Variants in NEBL observed in about 807,000 individuals in gnomAD.
NEBL encodes nebulette.
NEBL carries 122 observed loss-of-function variants against 140.2 expected under a neutral mutation model. The observed-to-expected ratio is 0.87, with a 90% CI of 0.75 to 1.01. NEBL has a LOEUF of 1.01. Among genes scored for constraint, NEBL ranks in the 50% least tolerant of loss-of-function variants. NEBL has a pLI of 0.00. For synonymous variants in NEBL, 436 were observed against 398.9 expected (o/e 1.09, Z -1.11); for missense variants, 1,365 against 1,231.3 (o/e 1.11, Z -1.62).
chr10:21,022,130 G>A (rs1228505890), intron 2 of NEBL, among the ~76,000 whole-genome samples: 7 of 152,084 alleles, frequency 4.6e-5, no homozygotes, highest in African/African-American at 9.7e-5. Flanking sequence ...TTCGGCTGGC[G>A]CTGAGGAGAC....
intron 3 of NEBL, among the ~76,000 whole-genome samples, chr10:21,197,117 A>T (rs1841665495): frequency 6.6e-6 from 1 of 152,202 alleles, no homozygotes; most frequent in Non-Finnish European, 1.5e-5. Context: ...CCACTTGTGA[A>T]AAAAATGGTT....
intron 2 of NEBL, among the ~76,000 whole-genome samples, chr10:21,063,855 G>A (rs900228751): frequency 2.0e-4 from 30 of 152,058 alleles, no homozygotes; most frequent in African/African-American, 6.0e-4. Context: ...GGGCGACAGA[G>A]CAAGAGTACA....
chr10:20,916,881 TG>T (rs1651696034), intron 4 of NEBL, among the ~76,000 whole-genome samples: 2 of 152,154 alleles, frequency 1.3e-5, no homozygotes, highest in Admixed American at 6.5e-5. Context: ...TGTATTGACA[TG>T]GGGAAAAAAG....
intron 2 of NEBL, among the ~76,000 whole-genome samples, chr10:21,021,822 T>G (rs1838808668): frequency 6.6e-6 from 1 of 152,148 alleles, no homozygotes; most frequent in South Asian, 2.1e-4. Flanking sequence ...TTCCTGCCTA[T>G]ATCGCTAGCA....
At chr10:21,191,654 T>C (rs530755287) in intron 3 of NEBL, among the ~76,000 whole-genome samples, 64 of 152,196 alleles carry the variant, frequency 4.2e-4, no homozygotes, top group Non-Finnish European at 8.5e-4. Context: ...GTGATTCCAT[T>C]ATGTAATTAT....
intron 9 of NEBL, among the ~76,000 whole-genome samples, chr10:20,856,549 T>G (rs1049728223): frequency 6.6e-6 from 1 of 152,086 alleles, no homozygotes; most frequent in Non-Finnish European, 1.5e-5. Flanking sequence ...GCTCAGGGAA[T>G]AGAAATATAT....
At chr10:20,925,164 T>G (rs1356525271) in intron 4 of NEBL, among the ~76,000 whole-genome samples, 1 of 152,190 alleles carries the variant, frequency 6.6e-6, no homozygotes, top group Non-Finnish European at 1.5e-5. Flanking sequence ...CTTCCAGAAA[T>G]ACTCTCTGCA....
At chr10:20,905,344 T>A (rs1423088905) in intron 4 of NEBL, among the ~76,000 whole-genome samples, 1 of 152,130 alleles carries the variant, frequency 6.6e-6, no homozygotes, top group Non-Finnish European at 1.5e-5. Flanking sequence ...TAAAAGAGGT[T>A]TAATTGACTC....
Position 20,794,686 on chromosome 10 carries a change from A to G in NEBL, c.2762-7378T>C, listed in dbSNP as rs370613582. 3.6e-4 allele frequency among the ~76,000 whole-genome samples: 55 copies of G among 152,274 alleles called. No homozygotes were observed. The East Asian group carries it at 7.1e-3, about 20-fold the overall frequency. On this transcript the variant is annotated intron_variant, in intron 26 of 27. Transcript: ENST00000377122. ...GTTAGTGGGGGAAAGAGGTAACATA[A>G]GACTCTACTTCCCCAGGAATACTGA...
chr10:20,855,578 G>A (rs1265095548), intron 9 of NEBL, among the ~76,000 whole-genome samples: 4 of 151,160 alleles, frequency 2.6e-5, no homozygotes, highest in Non-Finnish European at 4.4e-5. Flanking sequence ...AAAGAACTTC[G>A]AATGCGTGTC....
At chr10:20,986,896 T>C (rs1234173167) in intron 3 of NEBL, among the ~76,000 whole-genome samples, 1 of 152,212 alleles carries the variant, frequency 6.6e-6, no homozygotes, top group Non-Finnish European at 1.5e-5. Context: ...TTCTTCTTTT[T>C]ATTTCATTCA....
At chr10:21,158,188 T>G (rs748106886) in intron 2 of NEBL, among the ~76,000 whole-genome samples, 1 of 152,206 alleles carries the variant, frequency 6.6e-6, no homozygotes, top group Non-Finnish European at 1.5e-5. Flanking sequence ...CACTCATCCA[T>G]GTGAGGATTT....
Position 20,896,991 on chromosome 10 carries a change from T to C in NEBL, c.120A>G (p.Glu40=), listed in dbSNP as rs397517203. ...TGAGTTCCGTGCATTTTCTGGCCAATTCCATGCTTAAGTCTTCAATAACAG... is the reference window on the plus strand; with the variant it reads ...TGAGTTCCGTGCATTTTCTGGCCAACTCCATGCTTAAGTCTTCAATAACAG... ...YKPVIEDLSM[E]LARKCTELIS... The change falls in exon 2 of 28, where the codon GAA becomes GAG. Residue 40 remains glutamate, a synonymous_variant. Transcript: ENST00000377122. 1.6e-4 allele frequency: 257 copies of C among 1,613,974 alleles called. 4 individuals carry two copies. In the Admixed American group the frequency reaches 4.3e-3, roughly 27 times the overall value.
intron 26 of NEBL, among the ~76,000 whole-genome samples, chr10:20,794,223 GA>G (rs1276925247): frequency 6.6e-6 from 1 of 152,202 alleles, no homozygotes; most frequent in Admixed American, 6.5e-5. Flanking sequence ...CAGCTGAGAG[GA>G]AGGAGGAAGT....
intron 2 of NEBL, among the ~76,000 whole-genome samples, chr10:21,065,224 C>T (rs1265013560): frequency 6.6e-6 from 1 of 152,186 alleles, no homozygotes; most frequent in African/African-American, 2.4e-5. Flanking sequence ...ACAAGGAATA[C>T]AGCAGTCTTT....
chr10:21,037,272 G>C, intron 2 of NEBL, among the ~76,000 whole-genome samples: 1 of 152,110 alleles, frequency 6.6e-6, no homozygotes, highest in Admixed American at 6.6e-5. Context: ...GGGGGTGGAG[G>C]GGGTGGGGAG....
Position 20,781,496 on chromosome 10 carries a change from G to A in NEBL, c.*4251C>T, listed in dbSNP as rs902913419. Reference sequence around the variant, plus strand: ...CACTGGAGAATGGGACTGTGATGCAGTTTTCTCTTTTCCTTTAAAGTACAT... The same window carrying A: ...CACTGGAGAATGGGACTGTGATGCAATTTTCTCTTTTCCTTTAAAGTACAT... On this transcript the variant is annotated 3_prime_UTR_variant, in exon 28 of 28. Transcript: ENST00000377122. 14 of 152,164 alleles carry A rather than the reference G, an allele frequency of 9.2e-5. No homozygotes were observed. The highest frequency in any genetic ancestry group is 3.4e-4 in the African/African-American group (14 of 41,426). 9.4% of individuals were successfully genotyped at this position (152,164 alleles called of 1,614,324 possible). A position where few individuals can be genotyped will look rare whatever the true frequency, so the allele number is the denominator to read the frequency against.
At chr10:20,791,180 G>C (rs764596507) in intron 26 of NEBL, among the ~76,000 whole-genome samples, 3 of 152,186 alleles carry the variant, frequency 2.0e-5, no homozygotes, top group African/African-American at 7.2e-5. Flanking sequence ...TCTAGAAGCT[G>C]TCTAAAGCTC....
chr10:21,031,307 C>G lies in NEBL; in HGVS notation c.165-11106G>C, dbSNP rs536865290. Among the ~76,000 whole-genome samples the G allele has an allele frequency of 2.4e-4, 36 of 152,252 alleles. No individual in the cohort carries two copies. In the South Asian group the frequency reaches 7.5e-3, roughly 32 times the overall value. ...CCACAACTACCCCAGGAAGAGAAAG[C>G]CCAGAGCTGCAGAAGCCCAAGGAAT... On this transcript the variant is annotated intron_variant, in intron 2 of 6. Coordinates refer to the NEBL transcript ENST00000417816.
Sources: gnomAD v4.1 joint callset for allele counts (sites outside exome capture counted in the v4.1 genomes callset) on GRCh38, gnomAD v4.1.1 for gene constraint, MANE v1.5 for transcripts, NCBI Gene and HGNC (gene_info 2026-07-23, HGNC 2026-07-21) for gene names.